Variants in DUSP8 observed in about 807,000 individuals in gnomAD.
DUSP8 encodes the protein dual specificity protein phosphatase 8.
In DUSP8, 15 loss-of-function variants were observed where a neutral mutation model predicts 38.7. The ratio of observed to expected loss-of-function variants is 0.39; its 90% CI spans 0.26 to 0.60. DUSP8 has a LOEUF of 0.60. Ranked by LOEUF, DUSP8 falls within the 20% of genes least tolerant of loss-of-function variation. The pLI is 0.56. For missense variants in DUSP8, 768 were observed against 915.0 expected, an observed-to-expected ratio of 0.84 and a Z score of 2.07; for synonymous variants, 458 against 433.9, an observed-to-expected ratio of 1.06 and a Z score of -0.69.
chr11:1,559,761 C>A (rs74049252), intron 3 of DUSP8, among the ~76,000 whole-genome samples: 8 of 152,174 alleles, frequency 5.3e-5, no homozygotes, highest in African/African-American at 1.9e-4. Flanking sequence ...AGTGGGCACC[C>A]GCTGCACACG....
chr11:1,554,708 G>T lies in DUSP8; in HGVS notation c.*1810C>A. On this transcript the variant is annotated 3_prime_UTR_variant, in exon 7 of 7. Transcript: ENST00000397374. Reference sequence around the variant, plus strand: ...CCCGGACAGCACAGGGGTGGGGGGCGAGAAGCGGGAAGCCAGTGCATCCTC... The same window carrying T: ...CCCGGACAGCACAGGGGTGGGGGGCTAGAAGCGGGAAGCCAGTGCATCCTC... 1 of 759,284 alleles carries T rather than the reference G, an allele frequency of 1.3e-6. No homozygotes were observed. Among genetic ancestry groups the T allele is most frequent in the Non-Finnish European group, 1.6e-6 (1 of 621,342 alleles). 47.0% of individuals were successfully genotyped at this position (759,284 alleles called of 1,614,324 possible).
In DUSP8 at chr11:1,554,639, G is replaced by GGAAGGGA. The variant is rs1235006235; in HGVS notation, c.*1872_*1878dup. ...CCTGCAGAAGGGACAAGGGGAAGGG[G>GGAAGGGA]GAAGGGAGAAGGGGGCCCAACCAGT... On this transcript the variant is annotated 3_prime_UTR_variant, in exon 7 of 7. Coordinates refer to ENST00000397374, the MANE Select transcript of DUSP8 (RefSeq NM_004420.3). 1 of 987,408 alleles carries GGAAGGGA rather than the reference G, an allele frequency of 1.0e-6. No homozygotes were observed. Among genetic ancestry groups the GGAAGGGA allele is most frequent in the Non-Finnish European group, 1.2e-6 (1 of 829,820 alleles). 61.2% of individuals were successfully genotyped at this position (987,408 alleles called of 1,614,324 possible). A position where few individuals can be genotyped will look rare whatever the true frequency, so the allele number is the denominator to read the frequency against.
At chr11:1,568,925 C>T (rs6578524) in intron 1 of DUSP8, among the ~76,000 whole-genome samples, 92,813 of 152,110 alleles carry the variant, frequency 0.61, 28,918 homozygotes, top group Non-Finnish European at 0.66. Context: ...TCACCTCTGT[C>T]TCCCCAGATG....
intron 3 of DUSP8, among the ~76,000 whole-genome samples, chr11:1,562,011 C>T (rs1322215471): frequency 6.6e-6 from 1 of 152,240 alleles, no homozygotes; most frequent in African/African-American, 2.4e-5. Flanking sequence ...GGGACACAGC[C>T]TCAACCTTGC....
chr11:1,555,030 C>T lies in DUSP8; in HGVS notation c.*1488G>A, dbSNP rs186111176. 3.4e-3 allele frequency: 3,394 copies of T among 986,194 alleles called. 9 individuals carry two copies. Among genetic ancestry groups the T allele is most frequent in the South Asian group, 4.6e-3 (97 of 21,314 alleles). The allele number at this position is 986,194 out of a possible 1,614,324, so 61.1% of individuals were successfully genotyped here. A position where few individuals can be genotyped will look rare whatever the true frequency, so the allele number is the denominator to read the frequency against. On this transcript the variant is annotated 3_prime_UTR_variant, in exon 7 of 7. Transcript: ENST00000397374. ...TGGGGCGGGATGGGCGCCTCCCTGG[C>T]CCTGCTCCAGGACTCAGGACTGGGT...
Position 1,555,496 on chromosome 11 carries a change from G to T in DUSP8, c.*1022C>A. 7.2e-6 allele frequency: 5 copies of T among 691,286 alleles called. No homozygotes were observed. The highest frequency in any genetic ancestry group is 8.9e-6 in the Non-Finnish European group (5 of 560,706). The allele number at this position is 691,286 out of a possible 1,614,324, so 42.8% of individuals were successfully genotyped here. A position where few individuals can be genotyped will look rare whatever the true frequency, so the allele number is the denominator to read the frequency against. On this transcript the variant is annotated 3_prime_UTR_variant, in exon 7 of 7. Transcript: ENST00000397374. Reference sequence around the variant, plus strand: ...CCTGGGGCATGGCTGGGAGGGGGGCGGGGCAGACCTGGAACAGAACCCTAA... The same window carrying T: ...CCTGGGGCATGGCTGGGAGGGGGGCTGGGCAGACCTGGAACAGAACCCTAA...
Position 1,557,631 on chromosome 11 carries a change from C to A in DUSP8, c.822-57G>T. 6.7e-7 allele frequency: 1 copy of A among 1,502,520 alleles called. No individual in the cohort carries two copies. The highest frequency in any genetic ancestry group is 8.9e-7 in the Non-Finnish European group (1 of 1,129,056). The allele number at this position is 1,502,520 out of a possible 1,614,324, so 93.1% of individuals were successfully genotyped here. ...CGCCGGGGCCAGGCTGCCCACCTGACGCACCCGCTGGGCACCCACGAGCTC... is the reference window on the plus strand; with the variant it reads ...CGCCGGGGCCAGGCTGCCCACCTGAAGCACCCGCTGGGCACCCACGAGCTC... On this transcript the variant is annotated intron_variant, in intron 6 of 6. Transcript: ENST00000397374. The surrounding 1 kb of genome is among the most constrained non-coding windows in gnomAD (Gnocchi z 9.9).
In DUSP8 at chr11:1,556,941, C is replaced by T; in HGVS notation, c.1455G>A (p.Arg485=). ...NFGDAARQTP[R]HGLSALSAPG... is the part of the protein sequence containing the mutation. ...GCGCCGACAGGGCCGAGAGGCCGTG[C>T]CGCGGAGTCTGCCGGGCCGCATCGC... Residue 485 remains arginine, a synonymous_variant, in exon 7 of 7, where the codon CGG becomes CGA. Coordinates refer to ENST00000397374, the MANE Select transcript of DUSP8 (RefSeq NM_004420.3). The surrounding 1 kb of genome is among the most constrained non-coding windows in gnomAD (Gnocchi z 5.2). 1.9e-6 allele frequency: 2 copies of T among 1,076,516 alleles called. No individual in the cohort carries two copies. Among genetic ancestry groups the T allele is most frequent in the Non-Finnish European group, 2.2e-6 (2 of 889,904 alleles). 66.7% of individuals were successfully genotyped at this position (1,076,516 alleles called of 1,614,324 possible). A position where few individuals can be genotyped will look rare whatever the true frequency, so the allele number is the denominator to read the frequency against.
chr11:1,562,551 G>A (rs1181056913), intron 3 of DUSP8, among the ~76,000 whole-genome samples: 2 of 152,100 alleles, frequency 1.3e-5, no homozygotes, highest in Non-Finnish European at 2.9e-5. Flanking sequence ...AAGCACAGGC[G>A]GGTACATACA....
intron 3 of DUSP8, chr11:1,559,470 G>A: frequency 1.1e-5 from 2 of 177,406 alleles, no homozygotes; most frequent in Non-Finnish European, 1.2e-5. Context: ...CACGAGCCCG[G>A]CCATCTCCCA....
chr11:1,564,847 G>A (rs1278107211), intron 2 of DUSP8, among the ~76,000 whole-genome samples: 3 of 152,204 alleles, frequency 2.0e-5, no homozygotes, highest in Non-Finnish European at 4.4e-5. Context: ...GTCCTCCCAT[G>A]TCCCAGCTCT....
chr11:1,563,190 C>G (rs551312203), intron 3 of DUSP8, among the ~76,000 whole-genome samples: 10 of 152,280 alleles, frequency 6.6e-5, no homozygotes, highest in African/African-American at 2.4e-4. Flanking sequence ...GGGTGCACAT[C>G]CCTGGGACAG....
rs1351352549 is a variant in DUSP8 at position 1,557,241 on chromosome 11, C to T, written c.1155G>A (p.Gln385=). The change falls in exon 7 of 7, where the codon CAG becomes CAA. Residue 385 remains glutamine, a synonymous_variant. Transcript: ENST00000397374. This position sits in a 1 kb window ranked among gnomAD's most constrained non-coding sequence, Gnocchi z 9.9. ...AGGAGCGCTTGAGGCGGTTAGTGTCCTGCAGGCGGTCCGAGGAGAGGTGCA... is the reference window on the plus strand; with the variant it reads ...AGGAGCGCTTGAGGCGGTTAGTGTCTTGCAGGCGGTCCGAGGAGAGGTGCA... ...RGLHLSSDRL[Q]DTNRLKRSFS... is the part of the protein sequence containing the mutation. 1 of 1,495,860 alleles carries T rather than the reference C, an allele frequency of 6.7e-7. No homozygotes were observed. 92.7% of individuals were successfully genotyped at this position (1,495,860 alleles called of 1,614,324 possible).
At chr11:1,564,069 G>A in intron 2 of DUSP8, 80 bp from the exon 3 acceptor site, 1 of 1,361,856 alleles carries the variant, frequency 7.3e-7, no homozygotes, top group Non-Finnish European at 9.5e-7. Flanking sequence ...GCTGGCTCAA[G>A]GGAATAGTAA....
chr11:1,557,111 A>G lies in DUSP8; in HGVS notation c.1285T>C (p.Ser429Pro). Residue 429 changes from serine (S) to proline (P), a missense_variant, in exon 7 of 7, where the codon TCG becomes CCG. Ser to Pro is a moderately conservative substitution (Grantham distance 74, BLOSUM62 -1). Around this residue, in one of 3 missense-constraint regions of DUSP8, gnomAD observed 474 missense variants for 430.8 expected, o/e 1.10. Coordinates refer to ENST00000397374, the MANE Select transcript of DUSP8 (RefSeq NM_004420.3). This position sits in a 1 kb window ranked among gnomAD's most constrained non-coding sequence, Gnocchi z 9.9. ...APKLCKLDSP[S>P]GAALGLSSPS... ...GAGGACAGGCCCAGCGCGGCCCCCG[A>G]CGGGCTGTCCAGCTTGCAGAGCTTC... is the stretch of plus-strand genomic sequence containing the variant. 1 of 1,376,948 alleles carries G rather than the reference A, an allele frequency of 7.3e-7. No homozygotes were observed. Among genetic ancestry groups the G allele is most frequent in the East Asian group, 3.2e-5 (1 of 30,806 alleles). The allele number at this position is 1,376,948 out of a possible 1,614,324, so 85.3% of individuals were successfully genotyped here.
Position 1,557,653 on chromosome 11 carries a change from G to A in DUSP8, c.822-79C>T. On this transcript the variant is annotated intron_variant, in intron 6 of 6. Coordinates refer to ENST00000397374, the MANE Select transcript of DUSP8 (RefSeq NM_004420.3). This position sits in a 1 kb window ranked among gnomAD's most constrained non-coding sequence, Gnocchi z 9.9. ...TGACGCACCCGCTGGGCACCCACGA[G>A]CTCATGTGCGCCAGGCTGGTCTCAG... 5 of 1,532,912 alleles carry A rather than the reference G, an allele frequency of 3.3e-6. No individual in the cohort carries two copies. Among genetic ancestry groups the A allele is most frequent in the Non-Finnish European group, 4.4e-6 (5 of 1,140,738 alleles). 95.0% of individuals were successfully genotyped at this position (1,532,912 alleles called of 1,614,324 possible). A position where few individuals can be genotyped will look rare whatever the true frequency, so the allele number is the denominator to read the frequency against.
In DUSP8 at chr11:1,563,963, C is replaced by A. The variant is rs1420375364; in HGVS notation, c.258G>T (p.Val86=). The part of the protein sequence containing the change: ...SQVEATEPQD[V]VVYDQSTRDA... ...CCCGCGTGCTCTGGTCATAGACCAC[C>A]ACGTCCTGTGGCTCCGTAGCCTCCA... Residue 86 remains valine, a synonymous_variant, in exon 3 of 7, where the codon GTG becomes GTT. Coordinates refer to ENST00000397374, the MANE Select transcript of DUSP8 (RefSeq NM_004420.3). 2 of 1,514,182 alleles carry A rather than the reference C, an allele frequency of 1.3e-6. No homozygotes were observed. The highest frequency in any genetic ancestry group is 2.5e-5 in the East Asian group (1 of 39,794). 93.8% of individuals were successfully genotyped at this position (1,514,182 alleles called of 1,614,324 possible).
chr11:1,566,069 C>A, intron 1 of DUSP8, 135 bp from the exon 2 acceptor site: 1 of 543,274 alleles, frequency 1.8e-6, no homozygotes, highest in Non-Finnish European at 3.3e-6. Context: ...CCTTCTCCCT[C>A]TGGAGAGACC....
At chr11:1,571,480 A>G (rs1368804842) in intron 1 of DUSP8, 1 of 152,082 alleles carries the variant, frequency 6.6e-6, no homozygotes, top group Non-Finnish European at 1.5e-5. Context: ...CACCTCCCGG[A>G]CCGACTCCGG....
Sources: allele counts gnomAD v4.1 joint callset (sites outside exome capture counted in the v4.1 genomes callset), GRCh38; gene constraint gnomAD v4.1.1; regional missense constraint gnomAD v4.1.1; non-coding constraint Gnocchi (gnomAD v3.1); transcripts MANE v1.5; gene names NCBI Gene and HGNC (gene_info 2026-07-23, HGNC 2026-07-21).